The following PLEKHD1 variants were observed in gnomAD, a reference collection of about 807,000 sequenced individuals.
PLEKHD1 encodes pleckstrin homology and coiled-coil domain containing D1, also known as pleckstrin homology domain-containing family D member 1.
In PLEKHD1, 51 loss-of-function variants were observed where a neutral mutation model predicts 69.2. The ratio of observed to expected loss-of-function variants is 0.74; its 90% CI spans 0.59 to 0.93. PLEKHD1 has a LOEUF of 0.93. Ranked by LOEUF, PLEKHD1 falls within the 40% of genes least tolerant of loss-of-function variation. The pLI is 0.00. For synonymous variants in PLEKHD1, 236 were observed against 244.7 expected (o/e 0.96, Z 0.33); for missense variants, 584 against 641.0 (o/e 0.91, Z 0.96).
At chr14:69,526,234 A>G in intron 9 of PLEKHD1, 112 bp downstream of exon 9, 1 of 1,142,528 alleles carries the variant, frequency 8.8e-7, no homozygotes, top group Non-Finnish European at 1.2e-6. Context: ...AGTAGGACTC[A>G]CTCACTTCCT....
At chr14:69,486,229 G>A (rs934477287) in intron 1 of PLEKHD1, among the ~76,000 whole-genome samples, 6 of 152,218 alleles carry the variant, frequency 3.9e-5, no homozygotes, top group African/African-American at 1.4e-4. Flanking sequence ...CAGATCATGT[G>A]GATGTGGTAG....
Position 69,531,171 on chromosome 14 carries a change from A to T in PLEKHD1, c.*2752A>T, listed in dbSNP as rs1051217127. 2 of 152,178 alleles carry T rather than the reference A, an allele frequency of 1.3e-5. No individual in the cohort carries two copies. Among genetic ancestry groups the T allele is most frequent in the African/African-American group, 4.8e-5 (2 of 41,450 alleles). The allele number at this position is 152,178 out of a possible 1,614,324, so 9.4% of individuals were successfully genotyped here. Reference sequence around the variant, plus strand: ...TCTTAATATTGTTACAATGGCAATCAAATTTCTTTTTTTAATCCTGCAAAC... The same window carrying T: ...TCTTAATATTGTTACAATGGCAATCTAATTTCTTTTTTTAATCCTGCAAAC... On this transcript the variant is annotated 3_prime_UTR_variant, in exon 13 of 13. Transcript: ENST00000322564.
Position 69,524,299 on chromosome 14 carries a change from G to C in PLEKHD1, c.721G>C (p.Glu241Gln), listed in dbSNP as rs1187631799. 6.4e-7 allele frequency: 1 copy of C among 1,551,656 alleles called. No individual in the cohort carries two copies. Among genetic ancestry groups the C allele is most frequent in the Non-Finnish European group, 8.7e-7 (1 of 1,146,960 alleles). The stretch of plus-strand genomic sequence containing the variant: ...GAAAAAGGAACTGAGGCACCTCACG[G>C]AGTCCTTGCAGCAGACACTGGAGGT... The part of the protein sequence containing the change: ...QEKKELRHLT[E>Q]SLQQTLEELS... Residue 241 changes from glutamate (E) to glutamine (Q), a missense_variant, in exon 8 of 13, where the codon GAG (glutamate) becomes CAG (glutamine). Glu to Gln is a conservative substitution (Grantham distance 29). Coordinates refer to ENST00000322564, the MANE Select transcript of PLEKHD1 (RefSeq NM_001161498.2).
chr14:69,498,053 TTTTA>T (rs1172214175), intron 1 of PLEKHD1, among the ~76,000 whole-genome samples: 2,036 of 139,790 alleles, frequency 0.015, 21 homozygotes, highest in African/African-American at 0.024. Flanking sequence ...TTTTATTTTA[TTTTA>T]TTTATTTTAT....
chr14:69,524,539 A>G (rs1883596427), intron 8 of PLEKHD1, among the ~76,000 whole-genome samples: 1 of 152,170 alleles, frequency 6.6e-6, no homozygotes, highest in Admixed American at 6.5e-5. Flanking sequence ...CAGACCTAAA[A>G]GGACAAATTC....
At chr14:69,495,379 C>T (rs548069108) in intron 1 of PLEKHD1, among the ~76,000 whole-genome samples, 11 of 152,180 alleles carry the variant, frequency 7.2e-5, no homozygotes, top group Admixed American at 5.9e-4. Context: ...CCAGGTCACT[C>T]CTGCTCAAAG....
intron 6 of PLEKHD1, among the ~76,000 whole-genome samples, chr14:69,509,730 G>T (rs1883228827): frequency 6.6e-6 from 1 of 152,108 alleles, no homozygotes; most frequent in Non-Finnish European, 1.5e-5. Context: ...CTGAGGTCAG[G>T]AGTTCGAAAC....
At chr14:69,512,816 C>G (rs1315810346) in intron 6 of PLEKHD1, among the ~76,000 whole-genome samples, 1 of 150,954 alleles carries the variant, frequency 6.6e-6, no homozygotes, top group Non-Finnish European at 1.5e-5. Flanking sequence ...AATCCCAGCA[C>G]TTTGGGAAGC....
intron 6 of PLEKHD1, among the ~76,000 whole-genome samples, chr14:69,513,794 A>G (rs117950632): frequency 0.03 from 4,526 of 152,210 alleles, 144 homozygotes; most frequent in South Asian, 0.17. Flanking sequence ...CTGGCAACAA[A>G]TTCCCTCTAT....
intron 6 of PLEKHD1, among the ~76,000 whole-genome samples, chr14:69,520,770 C>T (rs1463624529): frequency 1.3e-5 from 2 of 152,166 alleles, no homozygotes; most frequent in Non-Finnish European, 2.9e-5. Flanking sequence ...TATATTATGT[C>T]TATATATGGT....
chr14:69,527,042 G>T, intron 10 of PLEKHD1, 146 bp from the exon 11 acceptor site: 2 of 1,206,364 alleles, frequency 1.7e-6, no homozygotes, highest in Non-Finnish European at 2.3e-6. Flanking sequence ...CAGTCCATCT[G>T]GTTCAAAGGG....
chr14:69,468,726 GC>G, the PLEKHD1 span, among the ~76,000 whole-genome samples: 9,622 of 152,202 alleles, frequency 0.063, 1,002 homozygotes, highest in African/African-American at 0.22. Flanking sequence ...GACTACAGGT[GC>G]ATGCCACCAT....
intron 6 of PLEKHD1, among the ~76,000 whole-genome samples, chr14:69,515,494 T>A (rs1465502147): frequency 6.6e-6 from 1 of 152,222 alleles, no homozygotes; most frequent in Admixed American, 6.5e-5. Context: ...CTTAGGCCAT[T>A]CTTGCATTGC....
chr14:69,480,984 A>G (rs989486706), upstream of PLEKHD1, among the ~76,000 whole-genome samples: 6 of 152,318 alleles, frequency 3.9e-5, no homozygotes, highest in Admixed American at 6.5e-5. Flanking sequence ...TGGATTCCCT[A>G]CGGTATTCAC....
intron 6 of PLEKHD1, among the ~76,000 whole-genome samples, chr14:69,512,387 A>G (rs1409022841): frequency 6.6e-6 from 1 of 151,302 alleles, no homozygotes; most frequent in Non-Finnish European, 1.5e-5. Flanking sequence ...TTTCAATTTC[A>G]TTGATTTCTG....
At chr14:69,528,017 C>T in intron 12 of PLEKHD1, 85 bp downstream of exon 12, 3 of 1,537,800 alleles carry the variant, frequency 2.0e-6, no homozygotes, top group Admixed American at 2.0e-5. Context: ...GTTGGCCCAG[C>T]TCTGAGGCTG....
chr14:69,492,564 C>T (rs980543198), intron 1 of PLEKHD1, among the ~76,000 whole-genome samples: 3 of 152,148 alleles, frequency 2.0e-5, no homozygotes, highest in African/African-American at 7.2e-5. Flanking sequence ...TACAATGTTG[C>T]GGTGTATCCT....
intron 2 of PLEKHD1, 176 bp downstream of exon 2, chr14:69,500,384 C>T: frequency 1.4e-6 from 1 of 700,008 alleles, no homozygotes; most frequent in East Asian, 2.7e-5. Flanking sequence ...CCCTCACTCT[C>T]CTGTGCCCCA....
At chr14:69,509,463 G>T (rs1168151282) in intron 6 of PLEKHD1, among the ~76,000 whole-genome samples, 1 of 152,052 alleles carries the variant, frequency 6.6e-6, no homozygotes, top group African/African-American at 2.4e-5. Flanking sequence ...AAATCTTTTT[G>T]TAGACATCAC....
Sources: allele counts gnomAD v4.1 joint callset (sites outside exome capture counted in the v4.1 genomes callset), GRCh38; gene constraint gnomAD v4.1.1; transcripts MANE v1.5; gene names NCBI Gene and HGNC (gene_info 2026-07-23, HGNC 2026-07-21).